TTBK2: variants seen among roughly 807,000 people sequenced by gnomAD.
TTBK2 encodes tau-tubulin kinase 2.
In TTBK2, 28 loss-of-function variants were observed where a neutral mutation model predicts 110.8. The ratio of observed to expected loss-of-function variants is 0.25; its 90% confidence interval spans 0.19 to 0.35. The LOEUF (loss-of-function observed/expected upper bound fraction) is 0.35, where lower values mean the gene tolerates loss of function less well. Among genes scored for constraint, TTBK2 ranks in the 10% least tolerant of loss-of-function variants. The pLI is 1.00. For synonymous variants in TTBK2, 532 were observed against 527.3 expected, an observed-to-expected ratio of 1.01 and a Z score of -0.12; for missense variants, 1,369 against 1,500.3, an observed-to-expected ratio of 0.91 and a Z score of 1.45.
intron 3 of TTBK2, among the ~76,000 whole-genome samples, chr15:42,842,388 C>T (rs891922829): frequency 6.6e-6 from 1 of 151,948 alleles, no homozygotes; most frequent in African/African-American, 2.4e-5. Context: ...AACCGGAAGT[C>T]ATTAGTGAGT....
At position 42,743,297 on chromosome 15, in the gene TTBK2, C is replaced by A. The variant is rs2061761232; in HGVS notation, c.*2498G>T. ...AAGTTGAGATAAAAATGGAAGGAAC[C>A]AAGAAAGAGAGAAAACATTCAGTTG... On this transcript the variant is annotated 3_prime_UTR_variant, in exon 15 of 15. Transcript: ENST00000267890. 6.6e-6 allele frequency: 1 copy of A among 152,030 alleles called. No homozygotes were observed. Among genetic ancestry groups the A allele is most frequent in the African/African-American group, 2.4e-5 (1 of 41,382 alleles). 9.4% of individuals were successfully genotyped at this position (152,030 alleles called of 1,614,324 possible).
intron 6 of TTBK2, among the ~76,000 whole-genome samples, chr15:42,821,722 A>C (rs1892311827): frequency 1.5e-5 from 2 of 136,528 alleles, no homozygotes; most frequent in African/African-American, 2.8e-5. Context: ...ACAGAGTCTC[A>C]CTCTGTCTCC....
intron 4 of TTBK2, among the ~76,000 whole-genome samples, chr15:42,831,724 A>G (rs1892768781): frequency 6.6e-6 from 1 of 152,174 alleles, no homozygotes; most frequent in Admixed American, 6.5e-5. Flanking sequence ...TGCTCCACCA[A>G]GGTTCCTTGC....
Position 42,835,197 on chromosome 15 carries a change from G to A in TTBK2, c.292-5119C>T, listed in dbSNP as rs529714580. Among the ~76,000 whole-genome samples, 28 of 152,182 alleles carry A rather than the reference G, an allele frequency of 1.8e-4. 1 individual carries two copies. In the South Asian group the frequency reaches 5.6e-3, roughly 30 times the overall value. On this transcript the variant is annotated intron_variant, in intron 4 of 14. Transcript: ENST00000267890. ...TACAAATGGGTTGATAAAACCATTA[G>A]GAGAAAAACCACTGGTAACTTTAAA...
intron 13 of TTBK2, among the ~76,000 whole-genome samples, chr15:42,766,463 A>AAAAAAAAAAAAAAAAAAAAC (rs1889382081): frequency 6.8e-6 from 1 of 147,312 alleles, no homozygotes; most frequent in Non-Finnish European, 1.5e-5. Flanking sequence ...AAAAAAAAAA[A>AAAAAAAAAAAAAAAAAAAAC]AAAAGCAAGG....
intron 13 of TTBK2, among the ~76,000 whole-genome samples, chr15:42,769,790 C>G (rs1416441188): frequency 1.3e-5 from 2 of 152,140 alleles, no homozygotes; most frequent in Non-Finnish European, 2.9e-5. Flanking sequence ...AATCATGCTA[C>G]TATAAAGACA....
chr15:42,742,651 A>C lies in TTBK2; in HGVS notation c.*3144T>G, dbSNP rs1404471567. 6.6e-6 allele frequency: 1 copy of C among 152,214 alleles called. No homozygotes were observed. Among genetic ancestry groups the C allele is most frequent in the African/African-American group, 2.4e-5 (1 of 41,446 alleles). The allele number at this position is 152,214 out of a possible 1,614,324, so 9.4% of individuals were successfully genotyped here. A position where few individuals can be genotyped will look rare whatever the true frequency, so the allele number is the denominator to read the frequency against. Reference sequence around the variant, plus strand: ...ACAAGGGAAGGCAAGGGCAACTGTGACTGACTAGGTAACCAGCTATTCTGT... The same window carrying C: ...ACAAGGGAAGGCAAGGGCAACTGTGCCTGACTAGGTAACCAGCTATTCTGT... On this transcript the variant is annotated 3_prime_UTR_variant, in exon 15 of 15. Coordinates refer to ENST00000267890, the MANE Select transcript of TTBK2 (RefSeq NM_173500.4).
At chr15:42,797,474 ACT>A (rs1890995224) in intron 9 of TTBK2, among the ~76,000 whole-genome samples, 1 of 152,252 alleles carries the variant, frequency 6.6e-6, no homozygotes, top group Non-Finnish European at 1.5e-5. Flanking sequence ...GCACTGAGGC[ACT>A]TAAAGGCACC....
Position 42,810,709 on chromosome 15 carries a change from CAT to C in TTBK2, c.725_726del (p.Tyr242Ter), listed in dbSNP as rs778793086. The C allele has an allele frequency of 6.2e-7, 1 of 1,613,554 alleles. No individual in the cohort carries two copies. Among genetic ancestry groups the C allele is most frequent in the Non-Finnish European group, 8.5e-7 (1 of 1,179,872 alleles). ...KEQVGSIKER[Y>X]DHRLMLKHLP... is the part of the protein sequence containing the mutation. ...AGATGTTTCAACATGAGCCTGTGGT[CAT>C]ATCTCTCCTTAATAGAGCCTACTTG... is the stretch of plus-strand genomic sequence containing the variant. On this transcript the variant is annotated frameshift_variant, in exon 9 of 15. Transcript: ENST00000267890. LOFTEE classifies it high-confidence loss of function.
chr15:42,770,250 A>G (rs1567013433), intron 13 of TTBK2, among the ~76,000 whole-genome samples: 1 of 152,142 alleles, frequency 6.6e-6, no homozygotes, highest in Non-Finnish European at 1.5e-5. Context: ...TATAATAATA[A>G]TAATAATAAA....
At chr15:42,761,210 G>C (rs1033525538) in intron 13 of TTBK2, among the ~76,000 whole-genome samples, 5 of 152,106 alleles carry the variant, frequency 3.3e-5, no homozygotes, top group Admixed American at 2.6e-4. Flanking sequence ...TAAATGCAAG[G>C]CCTGAAACTA....
At chr15:42,831,380 T>C (rs1218744520) in intron 4 of TTBK2, among the ~76,000 whole-genome samples, 4 of 152,170 alleles carry the variant, frequency 2.6e-5, no homozygotes, top group East Asian at 1.9e-4. Context: ...GTTTTTAGAA[T>C]ACTGTGTGGT....
chr15:42,821,256 TAAAGG>T lies in TTBK2; in HGVS notation c.538-4164_538-4160del, dbSNP rs559060675. ...AGAAACTAATAACAGTACAGCTACC[TAAAGG>T]TGAATGTAGGGAGCAGGGGGAAGAA... On this transcript the variant is annotated intron_variant, in intron 6 of 14. Coordinates refer to ENST00000267890, the MANE Select transcript of TTBK2 (RefSeq NM_173500.4). Among the ~76,000 whole-genome samples the T allele has an allele frequency of 2.4e-3, 359 of 152,288 alleles. 2 individuals are homozygous for T. The highest frequency in any genetic ancestry group is 1.2e-3 in the South Asian group (6 of 4,824).
At chr15:42,913,081 C>A (rs575375729) in intron 1 of TTBK2, among the ~76,000 whole-genome samples, 2 of 144,552 alleles carry the variant, frequency 1.4e-5, no homozygotes, top group Admixed American at 1.4e-4. Flanking sequence ...GCCGAGATTG[C>A]GCCACTGCAG....
intron 6 of TTBK2, among the ~76,000 whole-genome samples, chr15:42,818,106 C>T (rs1236337783): frequency 2.0e-5 from 3 of 152,112 alleles, no homozygotes; most frequent in Non-Finnish European, 4.4e-5. Context: ...GATGAGGTCT[C>T]GCTCTGTAGC....
At chr15:42,864,466 C>T (rs1894283890) in intron 3 of TTBK2, among the ~76,000 whole-genome samples, 2 of 152,002 alleles carry the variant, frequency 1.3e-5, no homozygotes, top group African/African-American at 2.4e-5. Flanking sequence ...TGCCTGTAAT[C>T]GCAAATACTC....
chr15:42,827,594 T>C lies in TTBK2; in HGVS notation c.537+334A>G, dbSNP rs372299534. 3.9e-5 allele frequency among the ~76,000 whole-genome samples: 6 copies of C among 152,318 alleles called. No individual in the cohort carries two copies. In the East Asian group the frequency reaches 9.6e-4, roughly 24 times the overall value. On this transcript the variant is annotated intron_variant, in intron 6 of 14. Transcript: ENST00000267890. ...CACCAAATAGAGAATATCAGTGAAG[T>C]GGATATTTGGGAGTGGATTAAAAAG...
At chr15:42,758,654 CAAAAAA>C (rs59064527) in intron 13 of TTBK2, among the ~76,000 whole-genome samples, 1 of 66,474 alleles carries the variant, frequency 1.5e-5, no homozygotes, top group Non-Finnish European at 3.2e-5. Flanking sequence ...GATTCCATCT[CAAAAAA>C]AAAAAAAAAA....
At chr15:42,758,558 C>T (rs185135997) in intron 13 of TTBK2, among the ~76,000 whole-genome samples, 5 of 150,718 alleles carry the variant, frequency 3.3e-5, no homozygotes, top group East Asian at 3.9e-4. Context: ...GGGAGGCTGC[C>T]GCAGGAGAAT....
Sources: gnomAD v4.1 joint callset for allele counts (sites outside exome capture counted in the v4.1 genomes callset) on GRCh38, gnomAD v4.1.1 for gene constraint, MANE v1.5 for transcripts, NCBI Gene and HGNC (gene_info 2026-07-23, HGNC 2026-07-21) for gene names.